NALF1: variants seen among roughly 807,000 people sequenced by gnomAD.
NALF1 encodes NALCN channel auxiliary factor 1.
Under a neutral mutation model 48.4 loss-of-function variants are expected in NALF1, and 3 were observed. That is an observed-to-expected ratio of 0.06 (90% confidence interval 0.03 to 0.16). The LOEUF (loss-of-function observed/expected upper bound fraction) is 0.16, where lower values mean the gene tolerates loss of function less well. Ranked by LOEUF, NALF1 falls within the 10% of genes least tolerant of loss-of-function variation. The pLI, the probability that NALF1 is intolerant of heterozygous loss-of-function variation, is 1.00. For synonymous variants in NALF1, 262 were observed against 245.7 expected (o/e 1.07, Z -0.62); for missense variants, 526 against 571.5 (o/e 0.92, Z 0.81).
chr13:107,362,387 TTCCTC>T lies in NALF1; in HGVS notation c.916-151637_916-151633del, dbSNP rs1203332861. ...AATCAAGGTGGTGTCAGGACCATGC[TTCCTC>T]TGAAACCTGTAGAGTAGCATCTTCG... is the stretch of plus-strand genomic sequence containing the variant. On this transcript the variant is annotated intron_variant, in intron 1 of 2. Coordinates refer to ENST00000375915, the MANE Select transcript of NALF1 (RefSeq NM_001080396.3). This position sits in a 1 kb window ranked among gnomAD's most constrained non-coding sequence, Gnocchi z 4.6. 3.9e-5 allele frequency among the ~76,000 whole-genome samples: 6 copies of T among 152,212 alleles called. No individual in the cohort carries two copies. The highest frequency in any genetic ancestry group is 7.3e-5 in the Non-Finnish European group (5 of 68,038).
chr13:107,487,564 C>T (rs1179440380), intron 1 of NALF1, among the ~76,000 whole-genome samples: 1 of 152,062 alleles, frequency 6.6e-6, no homozygotes, highest in Non-Finnish European at 1.5e-5. Context: ...TGTTATTTAC[C>T]TACAAGAAAC....
chr13:107,512,008 G>A (rs541508268), intron 1 of NALF1, among the ~76,000 whole-genome samples: 25 of 152,330 alleles, frequency 1.6e-4, no homozygotes, highest in African/African-American at 6.0e-4. Context: ...TGCCAAATAT[G>A]TGTAATGTTA....
chr13:107,815,321 T>TAA (rs71121556), intron 1 of NALF1, among the ~76,000 whole-genome samples: 17,817 of 151,896 alleles, frequency 0.12, 1,124 homozygotes, highest in Middle Eastern at 0.23. Context: ...TAACACAAGA[T>TAA]AAATAACCCA....
intron 1 of NALF1, among the ~76,000 whole-genome samples, chr13:107,768,843 GA>G (rs1312141024): frequency 5.3e-5 from 8 of 151,668 alleles, no homozygotes; most frequent in African/African-American, 1.5e-4. Flanking sequence ...AAATTTACAA[GA>G]AAAAAACAAA....
intron 1 of NALF1, among the ~76,000 whole-genome samples, chr13:107,427,242 T>A (rs1884296036): frequency 6.6e-6 from 1 of 151,762 alleles, no homozygotes; most frequent in Non-Finnish European, 1.5e-5. Context: ...CTCACACACA[T>A]AATTACACTA....
intron 1 of NALF1, among the ~76,000 whole-genome samples, chr13:107,328,699 T>C (rs1352589790): frequency 1.3e-5 from 2 of 152,192 alleles, no homozygotes; most frequent in African/African-American, 4.8e-5. Context: ...TCTAATCTCA[T>C]TTTTTAAAGG....
At chr13:107,676,936 T>A (rs1881144907) in intron 1 of NALF1, among the ~76,000 whole-genome samples, 1 of 152,212 alleles carries the variant, frequency 6.6e-6, no homozygotes. Flanking sequence ...ATACAAAATA[T>A]CTACCTGCTA....
intron 1 of NALF1, among the ~76,000 whole-genome samples, chr13:107,422,794 C>G (rs540415806): frequency 7.0e-4 from 107 of 151,912 alleles, no homozygotes; most frequent in Middle Eastern, 3.4e-3. Flanking sequence ...TTACAATGTT[C>G]CTTATAAGGG....
chr13:107,525,734 T>G (rs1342587394), intron 1 of NALF1, among the ~76,000 whole-genome samples: 1 of 152,170 alleles, frequency 6.6e-6, no homozygotes, highest in Non-Finnish European at 1.5e-5. Flanking sequence ...TGTTTACTAT[T>G]TTGCTTCAAC....
chr13:107,222,434 G>A (rs1019114332), intron 1 of NALF1, among the ~76,000 whole-genome samples: 2 of 152,064 alleles, frequency 1.3e-5, no homozygotes, highest in African/African-American at 4.8e-5. Context: ...GTTATATAAT[G>A]TGTACATTAT....
chr13:107,341,417 G>C (rs940619833), intron 1 of NALF1, among the ~76,000 whole-genome samples: 36 of 152,016 alleles, frequency 2.4e-4, no homozygotes, highest in African/African-American at 8.7e-4. Flanking sequence ...TTGCTGTTAA[G>C]AGGGGAAGTT....
chr13:107,186,498 G>A (rs1170172590), intron 2 of NALF1, among the ~76,000 whole-genome samples: 1 of 152,160 alleles, frequency 6.6e-6, no homozygotes, highest in Non-Finnish European at 1.5e-5. Context: ...CTCCTGAGCA[G>A]CTGGGACTAC....
chr13:107,560,030 G>C (rs1055661414), intron 1 of NALF1, among the ~76,000 whole-genome samples: 1 of 152,106 alleles, frequency 6.6e-6, no homozygotes, highest in Non-Finnish European at 1.5e-5. Context: ...GAAGGAAGGA[G>C]AAATCATTAA....
At chr13:107,762,726 A>T (rs536604593) in intron 1 of NALF1, among the ~76,000 whole-genome samples, 91 of 152,314 alleles carry the variant, frequency 6.0e-4, no homozygotes, top group African/African-American at 1.9e-3. Flanking sequence ...GTTTTGCAAG[A>T]TGAAAAAGTT....
chr13:107,346,623 T>A (rs1383007326), intron 1 of NALF1, among the ~76,000 whole-genome samples: 2 of 152,156 alleles, frequency 1.3e-5, no homozygotes, highest in Non-Finnish European at 2.9e-5. Flanking sequence ...GAGGGGCAAA[T>A]GAGGAGTTGC....
At chr13:107,235,678 A>T (rs1263660921) in intron 1 of NALF1, among the ~76,000 whole-genome samples, 1 of 152,240 alleles carries the variant, frequency 6.6e-6, no homozygotes, top group Non-Finnish European at 1.5e-5. Context: ...TTCAATCTGT[A>T]GTCCATTGAA....
At chr13:107,247,259 G>C (rs1880603665) in intron 1 of NALF1, among the ~76,000 whole-genome samples, 2 of 152,000 alleles carry the variant, frequency 1.3e-5, no homozygotes, top group Non-Finnish European at 2.9e-5. Context: ...CATTGACAAG[G>C]GCAAATTTTA....
At chr13:107,634,732 T>A (rs115752451) in intron 1 of NALF1, among the ~76,000 whole-genome samples, 180 of 152,084 alleles carry the variant, frequency 1.2e-3, no homozygotes, top group African/African-American at 4.1e-3. Context: ...GTGAAAAATG[T>A]TGGGAGAATC....
At chr13:107,684,576 T>C (rs1403092186) in intron 1 of NALF1, among the ~76,000 whole-genome samples, 2 of 152,182 alleles carry the variant, frequency 1.3e-5, no homozygotes, top group South Asian at 2.1e-4. Flanking sequence ...ATCTGCCCAA[T>C]GTTCCTTTCA....
Sources: allele counts gnomAD v4.1 joint callset (sites outside exome capture counted in the v4.1 genomes callset), GRCh38; gene constraint gnomAD v4.1.1; non-coding constraint Gnocchi (gnomAD v3.1); transcripts MANE v1.5; gene names NCBI Gene and HGNC (gene_info 2026-07-23, HGNC 2026-07-21).